The following TRAF5 variants were observed in gnomAD, a reference collection of about 807,000 sequenced individuals.
TRAF5 encodes the protein TNF receptor associated factor 5.
A neutral mutation model predicts 64.5 loss-of-function variants in TRAF5; 48 were observed. That is an observed-to-expected ratio of 0.74 (90% CI 0.59 to 0.95). The LOEUF (loss-of-function observed/expected upper bound fraction) is 0.95. Ranked by LOEUF, TRAF5 falls within the 40% of genes least tolerant of loss-of-function variation. TRAF5 has a pLI of 0.00. For missense variants in TRAF5, 545 were observed against 662.8 expected, an observed-to-expected ratio of 0.82 and a Z score of 1.95; for synonymous variants, 206 against 240.5, an observed-to-expected ratio of 0.86 and a Z score of 1.33.
intron 1 of TRAF5, among the ~76,000 whole-genome samples, chr1:211,337,238 A>C (rs1702327463): frequency 1.3e-5 from 2 of 152,246 alleles, no homozygotes; most frequent in South Asian, 4.1e-4. Context: ...GGTGGTCAGC[A>C]AAGGCCTCCC....
intron 8 of TRAF5, 197 bp from the exon 9 acceptor site, chr1:211,369,255 A>C (rs373651291): frequency 9.3e-6 from 4 of 430,504 alleles, no homozygotes; most frequent in East Asian, 8.2e-5. Context: ...GAAATTCTGT[A>C]GATGTGGCTT....
At chr1:211,331,041 G>T (rs1295789585) in intron 1 of TRAF5, among the ~76,000 whole-genome samples, 1 of 152,154 alleles carries the variant, frequency 6.6e-6, no homozygotes, top group Non-Finnish European at 1.5e-5. Context: ...TTTGTCCGAG[G>T]CCGCCTCTTT....
intron 4 of TRAF5, 128 bp downstream of exon 4, chr1:211,356,596 C>A (rs1702976373): frequency 1.2e-6 from 1 of 802,954 alleles, no homozygotes; most frequent in Non-Finnish European, 2.0e-6. Flanking sequence ...CAAGGATTCC[C>A]AGTCTAGCAA....
chr1:211,330,041 C>T (rs1472820736), intron 1 of TRAF5, among the ~76,000 whole-genome samples: 2 of 152,194 alleles, frequency 1.3e-5, no homozygotes, highest in Non-Finnish European at 2.9e-5. Flanking sequence ...AGTGAAAGTA[C>T]TCATTAGTCC....
At chr1:211,330,362 T>C (rs2102706435) in intron 1 of TRAF5, among the ~76,000 whole-genome samples, 1 of 149,748 alleles carries the variant, frequency 6.7e-6, no homozygotes, top group South Asian at 2.1e-4. Context: ...TGAATTTTTT[T>C]CCATGGCTTT....
intron 4 of TRAF5, chr1:211,358,548 A>G (rs554638955): frequency 3.3e-5 from 5 of 150,918 alleles, no homozygotes; most frequent in African/African-American, 1.2e-4. Context: ...GTCTCTACTA[A>G]AAATACAAAA....
intron 1 of TRAF5, among the ~76,000 whole-genome samples, chr1:211,348,746 T>C (rs1175430779): frequency 6.6e-6 from 1 of 152,192 alleles, no homozygotes; most frequent in Admixed American, 6.5e-5. Flanking sequence ...TTTGCATCAT[T>C]GTTTTGCCTT....
At chr1:211,352,441 TAAAAA>T (rs35728825) in intron 1 of TRAF5, among the ~76,000 whole-genome samples, 1 of 76,138 alleles carries the variant, frequency 1.3e-5, no homozygotes, top group Non-Finnish European at 2.5e-5. Flanking sequence ...TCACTGTCTC[TAAAAA>T]AAAAAAAAAA....
chr1:211,352,794 C>T (rs1259415192), intron 1 of TRAF5, among the ~76,000 whole-genome samples: 1 of 152,144 alleles, frequency 6.6e-6, no homozygotes, highest in Non-Finnish European at 1.5e-5. Context: ...CTCTGTGCTT[C>T]CAAGATGGTG....
rs1703317574 is a variant in TRAF5, at chr1:211,365,385, A to G, written c.706A>G (p.Arg236Gly). 1 of 1,613,564 alleles carries G rather than the reference A, an allele frequency of 6.2e-7. No individual in the cohort carries two copies. The highest frequency in any genetic ancestry group is 8.5e-7 in the Non-Finnish European group (1 of 1,179,794). The change falls in exon 8 of 11, where the codon AGG (arginine) becomes GGG (glycine). Residue 236 changes from arginine to glycine, a missense_variant. By Grantham distance (125) the Arg-to-Gly change is moderately radical. Coordinates refer to ENST00000261464, the MANE Select transcript of TRAF5 (RefSeq NM_001033910.3). ...TCTCTTCATATTGAAGGATAAACGG[A>G]GGAACCTGCAGCAACATGAGCATTC... The part of the protein sequence containing the change: ...HYGCAVTDKR[R>G]NLQQHEHSAL...
chr1:211,361,239 C>A, intron 7 of TRAF5, 77 bp downstream of exon 7: 1 of 1,312,940 alleles, frequency 7.6e-7, no homozygotes, highest in Non-Finnish European at 1.1e-6. Flanking sequence ...ACTCTCTGTT[C>A]CATCGAGGAT....
rs1572098087 is a variant in TRAF5 at position 211,372,364 on chromosome 1, G to T, written c.1336G>T (p.Ala446Ser). The T allele has an allele frequency of 1.2e-6, 2 of 1,614,136 alleles. No individual in the cohort carries two copies. Among genetic ancestry groups the T allele is most frequent in the South Asian group, 2.2e-5 (2 of 91,080 alleles). ...SRCGYRLCARAYLNGDGSGRG... is the reference protein window; with the variant it reads ...SRCGYRLCARSYLNGDGSGRG... Reference sequence around the variant, plus strand: ...CTGTGGCTACCGGCTCTGTGCTAGAGCATACCTGAATGGGGATGGGTCAGG... The same window carrying T: ...CTGTGGCTACCGGCTCTGTGCTAGATCATACCTGAATGGGGATGGGTCAGG... Residue 446 changes from alanine to serine, a missense_variant, in exon 11 of 11, where the codon GCA becomes TCA. Physicochemically the swap from Ala to Ser is moderately conservative, Grantham distance 99 (BLOSUM62 1). Transcript: ENST00000261464.
At chr1:211,333,434 TC>T (rs565310994) in intron 1 of TRAF5, among the ~76,000 whole-genome samples, 30 of 150,708 alleles carry the variant, frequency 2.0e-4, no homozygotes, top group East Asian at 9.8e-4. Context: ...GGCGATCCAC[TC>T]CCCCCCCACT....
At chr1:211,366,966 ATTGTTTGTTTGTTTGT>A (rs1553272282) in intron 8 of TRAF5, among the ~76,000 whole-genome samples, 2 of 107,596 alleles carry the variant, frequency 1.9e-5, no homozygotes, top group African/African-American at 5.2e-5. Flanking sequence ...TGGTCAGCTA[ATTGTTTGTTTGTTTGT>A]TTGTTTGTTT....
chr1:211,361,355 G>A (rs1703173208), intron 7 of TRAF5, among the ~76,000 whole-genome samples, 193 bp downstream of exon 7: 1 of 152,190 alleles, frequency 6.6e-6, no homozygotes, highest in Non-Finnish European at 1.5e-5. Flanking sequence ...TTTATTTTAA[G>A]AAGTTGGCTC....
At chr1:211,368,518 TG>T (rs1236369020) in intron 8 of TRAF5, among the ~76,000 whole-genome samples, 2 of 152,154 alleles carry the variant, frequency 1.3e-5, no homozygotes, top group East Asian at 3.8e-4. Context: ...GGGGGTAGAA[TG>T]GGTAGAGCAG....
At position 211,360,780 on chromosome 1, in the gene TRAF5, G is replaced by T; in HGVS notation, c.621+1G>T. 7 of 1,610,554 alleles carry T rather than the reference G, an allele frequency of 4.3e-6. No individual in the cohort carries two copies. The highest frequency in any genetic ancestry group is 5.9e-6 in the Non-Finnish European group (7 of 1,177,008). On this transcript the variant is annotated splice_donor_variant, in intron 6 of 10. Coordinates refer to ENST00000261464, the MANE Select transcript of TRAF5 (RefSeq NM_001033910.3). LOFTEE classifies it high-confidence loss of function. ...TGCGAAGATTATTCTAAAAACTGAG[G>T]TAACTGCAAATAATCCTCTCTGTAG...
chr1:211,336,788 TAGCTGAGATTACA>T (rs1440057334), intron 1 of TRAF5, among the ~76,000 whole-genome samples: 2 of 152,250 alleles, frequency 1.3e-5, no homozygotes, highest in African/African-American at 4.8e-5. Context: ...GCCTCCTGAG[TAGCTGAGATTACA>T]GGCGTATGCC....
At chr1:211,340,396 T>C (rs1702415272) in intron 1 of TRAF5, among the ~76,000 whole-genome samples, 1 of 152,220 alleles carries the variant, frequency 6.6e-6, no homozygotes, top group African/African-American at 2.4e-5. Flanking sequence ...GTGATTCTCC[T>C]GCCTCAGCCT....
Sources: gnomAD v4.1 joint callset for allele counts (sites outside exome capture counted in the v4.1 genomes callset) on GRCh38, gnomAD v4.1.1 for gene constraint, MANE v1.5 for transcripts, NCBI Gene and HGNC (gene_info 2026-07-23, HGNC 2026-07-21) for gene names.